Variants in TASP1 observed in about 807,000 individuals in gnomAD.
The protein encoded by TASP1 is threonine aspartase 1.
In TASP1, 16 loss-of-function variants were observed where a neutral mutation model predicts 56.6. The observed-to-expected ratio is 0.28, with a 90% confidence interval of 0.19 to 0.43. The LOEUF (loss-of-function observed/expected upper bound fraction) is 0.43, where lower values mean the gene tolerates loss of function less well. Among genes scored for constraint, TASP1 ranks in the 20% least tolerant of loss-of-function variants. The probability of loss-of-function intolerance (pLI) is 1.00; values close to 1 mark genes in which losing one functional copy is unlikely to be tolerated. For missense variants in TASP1, 393 were observed against 511.6 expected (o/e 0.77, Z 2.24); for synonymous variants, 179 against 184.2 (o/e 0.97, Z 0.23).
chr20:13,225,530 A>G, the TASP1 span, among the ~76,000 whole-genome samples: 1 of 151,942 alleles, frequency 6.6e-6, no homozygotes, highest in Non-Finnish European at 1.5e-5. Context: ...TACATTTTTG[A>G]CTCTTTGTAT....
intron 8 of TASP1, among the ~76,000 whole-genome samples, chr20:13,540,935 C>A (rs117082083): frequency 6.6e-6 from 1 of 150,432 alleles, no homozygotes; most frequent in Non-Finnish European, 1.5e-5. Context: ...ACCAAACATT[C>A]AAAACATCAG....
At chr20:13,393,649 TG>T in intron 13 of TASP1, 1 of 1,298,550 alleles carries the variant, frequency 7.7e-7, no homozygotes, top group Non-Finnish European at 1.1e-6. Flanking sequence ...GTGGACCTCA[TG>T]GCCCACATGG....
At chr20:13,593,695 TG>T (rs1391291363) in intron 4 of TASP1, among the ~76,000 whole-genome samples, 1 of 152,056 alleles carries the variant, frequency 6.6e-6, no homozygotes, top group Non-Finnish European at 1.5e-5. Context: ...ACGAAGTGGC[TG>T]GGAAGCTCGA....
At chr20:13,299,321 C>T in the TASP1 span, 3 of 1,613,880 alleles carry the variant, frequency 1.9e-6, no homozygotes, top group African/African-American at 1.3e-5. This position sits in a 1 kb window ranked among gnomAD's most constrained non-coding sequence, Gnocchi z 5.8. Flanking sequence ...ACAAGGTGGA[C>T]GTCCTGCCCT....
chr20:13,270,776 C>A, the TASP1 span: 1 of 1,595,070 alleles, frequency 6.3e-7, no homozygotes, highest in African/African-American at 1.3e-5. Flanking sequence ...TGGGAGATAA[C>A]AAAACAGTCC....
chr20:13,557,585 T>G (rs1055042020), intron 8 of TASP1, among the ~76,000 whole-genome samples: 3 of 140,986 alleles, frequency 2.1e-5, no homozygotes, highest in Admixed American at 7.0e-5. Context: ...TTTTTTTTTT[T>G]TTTTTTTTTT....
At chr20:13,244,445 C>T in the TASP1 span, 1 of 150,852 alleles carries the variant, frequency 6.6e-6, no homozygotes, top group African/African-American at 2.4e-5. Flanking sequence ...CTTATTCGGA[C>T]ATTACATGTC....
At position 13,492,988 on chromosome 20, in the gene TASP1, A is replaced by G. The variant is rs186631243; in HGVS notation, c.875-9651T>C. On this transcript the variant is annotated intron_variant, in intron 10 of 13. Coordinates refer to ENST00000337743, the MANE Select transcript of TASP1 (RefSeq NM_017714.3). ...CATATACTAAGTGCTTTATACATAT[A>G]TTAGTTTTTATCACTACTGCCAATT... is the stretch of plus-strand genomic sequence containing the variant. Among the ~76,000 whole-genome samples, 6 of 152,306 alleles carry G rather than the reference A, an allele frequency of 3.9e-5. No homozygotes were observed. In the East Asian group the frequency reaches 1.2e-3, roughly 29 times the overall value.
the TASP1 span, among the ~76,000 whole-genome samples, chr20:13,219,313 T>C: frequency 6.6e-6 from 1 of 152,176 alleles, no homozygotes; most frequent in African/African-American, 2.4e-5. Context: ...TCGGCGCTGA[T>C]TCTCCAGCCC....
At chr20:13,204,161 A>C in the TASP1 span, among the ~76,000 whole-genome samples, 2 of 152,218 alleles carry the variant, frequency 1.3e-5, no homozygotes, top group African/African-American at 4.8e-5. Flanking sequence ...TTGGATTTCC[A>C]TACTTTTATT....
chr20:13,251,412 G>A, the TASP1 span, among the ~76,000 whole-genome samples: 1 of 152,208 alleles, frequency 6.6e-6, no homozygotes, highest in African/African-American at 2.4e-5. Context: ...AAAATGGAGC[G>A]TGAAGAGATC....
chr20:13,374,664 T>A, the TASP1 span, among the ~76,000 whole-genome samples: 2 of 152,178 alleles, frequency 1.3e-5, no homozygotes, highest in African/African-American at 4.8e-5. Context: ...GTAATTTTTT[T>A]AAAAGTGGAC....
chr20:13,302,355 A>T, the TASP1 span, among the ~76,000 whole-genome samples: 1 of 152,208 alleles, frequency 6.6e-6, no homozygotes, highest in Non-Finnish European at 1.5e-5. Flanking sequence ...AACCTCTGGA[A>T]ATTTGCTGAA....
chr20:13,207,459 G>A, the TASP1 span, among the ~76,000 whole-genome samples: 6 of 152,286 alleles, frequency 3.9e-5, no homozygotes, highest in South Asian at 1.2e-3. Context: ...CACAGACATA[G>A]ATGTGAAACT....
At chr20:13,249,213 G>T in the TASP1 span, among the ~76,000 whole-genome samples, 1 of 152,198 alleles carries the variant, frequency 6.6e-6, no homozygotes, top group Non-Finnish European at 1.5e-5. Context: ...ATGATCTTCT[G>T]TTCTCCCCAC....
the TASP1 span, among the ~76,000 whole-genome samples, chr20:13,137,370 G>A: frequency 6.6e-6 from 1 of 152,160 alleles, no homozygotes. Context: ...CTAATGGGAT[G>A]CTCCTCTTTT....
intron 13 of TASP1, among the ~76,000 whole-genome samples, chr20:13,403,893 A>T (rs896368381): frequency 4.6e-5 from 7 of 152,128 alleles, no homozygotes; most frequent in African/African-American, 1.7e-4. Context: ...TAAAAAACAA[A>T]AACAAAAACC....
chr20:13,468,447 C>T (rs1600892275), intron 11 of TASP1, among the ~76,000 whole-genome samples: 2 of 152,056 alleles, frequency 1.3e-5, no homozygotes, highest in East Asian at 3.9e-4. Flanking sequence ...TTTTCACAGG[C>T]TCAAAAGTCA....
chr20:13,328,506 C>T, the TASP1 span, among the ~76,000 whole-genome samples: 2 of 152,166 alleles, frequency 1.3e-5, no homozygotes, highest in Non-Finnish European at 2.9e-5. Context: ...CACATGCACA[C>T]ATATGTTCAC....
Sources: gnomAD v4.1 joint callset for allele counts (sites outside exome capture counted in the v4.1 genomes callset) on GRCh38, gnomAD v4.1.1 for gene constraint, Gnocchi (gnomAD v3.1) non-coding constraint, MANE v1.5 for transcripts, NCBI Gene and HGNC (gene_info 2026-07-23, HGNC 2026-07-21) for gene names.